The following PPME1 variants were observed in gnomAD, a reference collection of about 807,000 sequenced individuals.
PPME1 encodes the protein testicular secretory protein Li 39.
Under a neutral mutation model 56.9 loss-of-function variants are expected in PPME1, and 17 were observed. The ratio of observed to expected loss-of-function variants is 0.30; its 90% CI spans 0.20 to 0.45. The LOEUF (loss-of-function observed/expected upper bound fraction) is 0.45. PPME1 is among the 20% of genes least tolerant of loss of function. PPME1 has a pLI of 1.00. For missense variants in PPME1, 357 were observed against 483.2 expected (o/e 0.74, Z 2.45); for synonymous variants, 122 against 156.2 (o/e 0.78, Z 1.63).
chr11:74,215,517 A>C (rs1195199796), intron 3 of PPME1, among the ~76,000 whole-genome samples: 1 of 152,236 alleles, frequency 6.6e-6, no homozygotes, highest in Non-Finnish European at 1.5e-5. Flanking sequence ...AACCAAAAAC[A>C]TAACAACAGA....
intron 11 of PPME1, 64 bp downstream of exon 11, chr11:74,247,187 C>T (rs1275174816): frequency 7.1e-7 from 1 of 1,411,982 alleles, no homozygotes; most frequent in African/African-American, 1.4e-5. Flanking sequence ...GGGCAGTTAA[C>T]ATCCTGAGAT....
chr11:74,252,316 G>A (rs1859718408), intron 13 of PPME1: 1 of 367,022 alleles, frequency 2.7e-6, no homozygotes, highest in East Asian at 7.8e-5. Flanking sequence ...TTGAACTCCT[G>A]GCCTCAAGTG....
rs1188922086 is a variant in PPME1 at position 74,171,398 on chromosome 11, C to G, written c.-24C>G. The G allele has an allele frequency of 1.3e-6, 2 of 1,599,702 alleles. No homozygotes were observed. The highest frequency in any genetic ancestry group is 1.7e-6 in the Non-Finnish European group (2 of 1,173,338). The stretch of plus-strand genomic sequence containing the variant: ...GGACGAAGCTTCGCCTACTGTTTGA[C>G]TACGTGCGTGCAGCCTCCCCTCGAT... On this transcript the variant is annotated 5_prime_UTR_variant, in exon 1 of 14. Coordinates refer to ENST00000328257, the MANE Select transcript of PPME1 (RefSeq NM_016147.3).
chr11:74,195,777 T>A (rs1337728168), intron 1 of PPME1, among the ~76,000 whole-genome samples: 1 of 152,248 alleles, frequency 6.6e-6, no homozygotes, highest in African/African-American at 2.4e-5. Context: ...CACTGTAATT[T>A]AAATTTTATG....
chr11:74,242,164 A>G (rs1208962544), intron 9 of PPME1, among the ~76,000 whole-genome samples: 2 of 152,170 alleles, frequency 1.3e-5, no homozygotes, highest in East Asian at 1.9e-4. Context: ...CAGGAATGGA[A>G]CCAACTTCAT....
At chr11:74,183,739 A>G (rs1392247969) in intron 1 of PPME1, among the ~76,000 whole-genome samples, 10 of 152,130 alleles carry the variant, frequency 6.6e-5, no homozygotes, top group South Asian at 6.2e-4. Flanking sequence ...TGCCTTGTAC[A>G]TACTGTATTT....
chr11:74,175,773 G>A (rs1857386813), intron 1 of PPME1, among the ~76,000 whole-genome samples: 1 of 152,112 alleles, frequency 6.6e-6, no homozygotes, highest in Admixed American at 6.5e-5. Flanking sequence ...TATATTCTAT[G>A]AGGTAAACTA....
At chr11:74,236,031 G>A in intron 8 of PPME1, 65 bp downstream of exon 8, 2 of 1,572,946 alleles carry the variant, frequency 1.3e-6, no homozygotes, top group African/African-American at 2.7e-5. Context: ...ATTACAGATT[G>A]CTTCTTTTGT....
chr11:74,212,775 G>C (rs1292388627), intron 3 of PPME1, among the ~76,000 whole-genome samples: 2 of 152,152 alleles, frequency 1.3e-5, no homozygotes, highest in African/African-American at 4.8e-5. Flanking sequence ...CTGAAGGGAA[G>C]GACCCAGTCC....
chr11:74,253,108 C>T (rs1214923032), intron 13 of PPME1, among the ~76,000 whole-genome samples: 1 of 152,124 alleles, frequency 6.6e-6, no homozygotes, highest in Non-Finnish European at 1.5e-5. Context: ...ATTCCAGGGC[C>T]TGGGAGATGA....
chr11:74,251,024 T>C lies in PPME1; in HGVS notation c.1074+6T>C. Reference sequence around the variant, plus strand: ...ATGAGGATGCCCCTGACAAGGTGAGTCTGGTGCTCAGTGACTGTAAAAGGA... The same window carrying C: ...ATGAGGATGCCCCTGACAAGGTGAGCCTGGTGCTCAGTGACTGTAAAAGGA... On this transcript the variant is annotated splice_donor_region_variant and intron_variant, in intron 12 of 13. Transcript: ENST00000328257. 1 of 1,589,748 alleles carries C rather than the reference T, an allele frequency of 6.3e-7. No individual in the cohort carries two copies. Among genetic ancestry groups the C allele is most frequent in the Non-Finnish European group, 8.6e-7 (1 of 1,167,664 alleles).
At chr11:74,189,415 T>C (rs1392156727) in intron 1 of PPME1, among the ~76,000 whole-genome samples, 1 of 152,130 alleles carries the variant, frequency 6.6e-6, no homozygotes, top group Non-Finnish European at 1.5e-5. Context: ...TCATCCTCCT[T>C]AATAGTTGGG....
chr11:74,179,016 A>C lies in PPME1; in HGVS notation c.101+7494A>C, dbSNP rs181619411. ...ACAATATTGATTACAAGTTACAGGT[A>C]TATTCTACCAATATATTTTGAAGAT... On this transcript the variant is annotated intron_variant, in intron 1 of 13. Coordinates refer to ENST00000328257, the MANE Select transcript of PPME1 (RefSeq NM_016147.3). Among the ~76,000 whole-genome samples, 480 of 152,236 alleles carry C rather than the reference A, an allele frequency of 3.2e-3. 3 individuals carry two copies. The Middle Eastern group carries it at 0.034, about 11-fold the overall frequency.
At chr11:74,229,333 AAT>A (rs1396322436) in intron 5 of PPME1, among the ~76,000 whole-genome samples, 2 of 151,864 alleles carry the variant, frequency 1.3e-5, no homozygotes, top group Non-Finnish European at 1.5e-5. Flanking sequence ...CTAGCCTAAA[AAT>A]ATATATATAT....
At chr11:74,210,053 C>T (rs1246857442) in intron 3 of PPME1, among the ~76,000 whole-genome samples, 2 of 152,108 alleles carry the variant, frequency 1.3e-5, no homozygotes, top group Non-Finnish European at 2.9e-5. Flanking sequence ...CAGAGCAAGA[C>T]CCCATCTCAT....
intron 10 of PPME1, among the ~76,000 whole-genome samples, chr11:74,246,707 C>T (rs1396657668): frequency 1.3e-5 from 2 of 152,212 alleles, no homozygotes; most frequent in Admixed American, 1.3e-4. Context: ...CTCCTCCCCA[C>T]ACCCAGTCTC....
At chr11:74,228,059 A>G (rs1361042969) in intron 5 of PPME1, among the ~76,000 whole-genome samples, 1 of 152,038 alleles carries the variant, frequency 6.6e-6, no homozygotes, top group Admixed American at 6.6e-5. Flanking sequence ...TACCAACCGA[A>G]AGTTTCTTGG....
chr11:74,243,968 C>A (rs1485151962), intron 9 of PPME1, among the ~76,000 whole-genome samples: 1 of 152,136 alleles, frequency 6.6e-6, no homozygotes, highest in Admixed American at 6.5e-5. Context: ...CTGGTTGCCA[C>A]CATTCTACTT....
chr11:74,218,370 C>T (rs1436260342), intron 3 of PPME1, among the ~76,000 whole-genome samples: 1 of 152,098 alleles, frequency 6.6e-6, no homozygotes, highest in Non-Finnish European at 1.5e-5. Flanking sequence ...ATCAAAAATA[C>T]CAATGATATT....
Sources: allele counts gnomAD v4.1 joint callset (sites outside exome capture counted in the v4.1 genomes callset), GRCh38; gene constraint gnomAD v4.1.1; transcripts MANE v1.5; gene names NCBI Gene and HGNC (gene_info 2026-07-23, HGNC 2026-07-21).